Variants in KAZN observed in about 807,000 individuals in gnomAD.
KAZN encodes the protein kazrin.
KAZN carries 40 observed loss-of-function variants against 87.4 expected under a neutral mutation model. The ratio of observed to expected loss-of-function variants is 0.46; its 90% CI spans 0.36 to 0.60. The LOEUF (loss-of-function observed/expected upper bound fraction) is 0.60. Ranked by LOEUF, KAZN falls within the 20% of genes least tolerant of loss-of-function variation. The pLI, the probability that KAZN is intolerant of heterozygous loss-of-function variation, is 0.00. For synonymous variants in KAZN, 466 were observed against 458.3 expected (o/e 1.02, Z -0.22); for missense variants, 898 against 1,073.9 (o/e 0.84, Z 2.29).
intron 1 of KAZN, among the ~76,000 whole-genome samples, chr1:14,177,610 A>T (rs956054890): frequency 2.0e-5 from 3 of 152,154 alleles, no homozygotes; most frequent in Non-Finnish European, 4.4e-5. Flanking sequence ...CCTGGTTTGC[A>T]TAGATTCCGA....
chr1:15,113,212 C>G (rs865962682), intron 14 of KAZN: 1 of 152,004 alleles, frequency 6.6e-6, no homozygotes, highest in African/African-American at 2.4e-5. Flanking sequence ...CATTCTAGAA[C>G]GTGCATTCTA....
intron 2 of KAZN, among the ~76,000 whole-genome samples, chr1:14,432,819 C>T (rs1666152033): frequency 1.3e-5 from 2 of 152,162 alleles, no homozygotes; most frequent in South Asian, 2.1e-4. Context: ...TGAGAACATG[C>T]GGTGTTTGGT....
intron 2 of KAZN, among the ~76,000 whole-genome samples, chr1:14,550,739 C>CTCTCTAT (rs1480745409): frequency 1.4e-5 from 1 of 69,968 alleles, no homozygotes; most frequent in Non-Finnish European, 3.3e-5. Context: ...CTCTCTCTCT[C>CTCTCTAT]CCCCACCCCG....
intron 1 of KAZN, among the ~76,000 whole-genome samples, chr1:13,935,270 A>ATAATAATAATAATAATAATAATAG (rs60037843): frequency 1.3e-5 from 2 of 151,638 alleles, no homozygotes; most frequent in Non-Finnish European, 2.9e-5. Context: ...AATAATAATA[A>ATAATAATAATAATAATAATAATAG]GCCTTCAGTA....
chr1:14,408,056 G>A (rs1031337574), intron 2 of KAZN, among the ~76,000 whole-genome samples: 1 of 152,198 alleles, frequency 6.6e-6, no homozygotes, highest in African/African-American at 2.4e-5. Context: ...TGATTCACCA[G>A]GGGGCTGCCC....
At chr1:14,242,111 G>T (rs566424092) in intron 2 of KAZN, among the ~76,000 whole-genome samples, 1 of 152,020 alleles carries the variant, frequency 6.6e-6, no homozygotes, top group African/African-American at 2.4e-5. Flanking sequence ...ATTTTCCCTT[G>T]GCTGAAAGAC....
rs1254127990 is a variant in KAZN, at chr1:14,727,473, T to C, written c.226+128250T>C. Among the ~76,000 whole-genome samples the C allele has an allele frequency of 6.6e-3, 562 of 85,368 alleles. 44 individuals carry two copies. The highest frequency in any genetic ancestry group is 0.021 in the East Asian group (62 of 2,926). The allele number at this position is 85,368 out of a possible 152,430, so 56.0% of individuals were successfully genotyped here. A position where few individuals can be genotyped will look rare whatever the true frequency, so the allele number is the denominator to read the frequency against. On this transcript the variant is annotated intron_variant, in intron 1 of 14. Coordinates refer to ENST00000376030, the MANE Select transcript of KAZN (RefSeq NM_201628.3). Reference sequence around the variant, plus strand: ...TTCTTTTTTTTTTTTTTTTTTTTTTTTTTTTTTTTTTTTTTTTTTTTTTGA... The same window carrying C: ...TTCTTTTTTTTTTTTTTTTTTTTTTCTTTTTTTTTTTTTTTTTTTTTTTGA...
chr1:14,924,359 C>T (rs1404993737), intron 1 of KAZN: 9 of 988,854 alleles, frequency 9.1e-6, no homozygotes, highest in African/African-American at 7.0e-5. Flanking sequence ...CCCCCGGGCA[C>T]CCGGCATGCG....
At chr1:13,899,250 T>A (rs1049507307) in intron 1 of KAZN, among the ~76,000 whole-genome samples, 1 of 152,232 alleles carries the variant, frequency 6.6e-6, no homozygotes, top group African/African-American at 2.4e-5. Context: ...CTACATTCTT[T>A]ACATATTACC....
Position 15,056,005 on chromosome 1 carries a change from C to T in KAZN, c.727-86C>T. 7.4e-7 allele frequency: 1 copy of T among 1,346,468 alleles called. No individual in the cohort carries two copies. Among genetic ancestry groups the T allele is most frequent in the Non-Finnish European group, 1.0e-6 (1 of 960,328 alleles). 83.4% of individuals were successfully genotyped at this position (1,346,468 alleles called of 1,614,324 possible). ...CCGGTGCAGAGGATCCGGGCTTTCT[C>T]CCCATGGCGGTGGGTGGTGCCAAGC... On this transcript the variant is annotated intron_variant, in intron 4 of 14. Transcript: ENST00000376030. The surrounding 1 kb of genome is among the most constrained non-coding windows in gnomAD (Gnocchi z 5.4).
At chr1:13,926,652 TA>T (rs60345092) in intron 1 of KAZN, among the ~76,000 whole-genome samples, 16,366 of 144,868 alleles carry the variant, frequency 0.11, 915 homozygotes, top group African/African-American at 0.12. Flanking sequence ...CTTTAAGAGT[TA>T]AAAAAAAAAA....
intron 2 of KAZN, among the ~76,000 whole-genome samples, chr1:14,586,835 G>C (rs1051303228): frequency 7.9e-5 from 12 of 152,276 alleles, no homozygotes; most frequent in African/African-American, 2.9e-4. Context: ...TCAAATGCCA[G>C]TTTAATACAG....
At chr1:14,325,380 C>A (rs768406137) in intron 2 of KAZN, among the ~76,000 whole-genome samples, 1 of 152,162 alleles carries the variant, frequency 6.6e-6, no homozygotes, top group Non-Finnish European at 1.5e-5. Flanking sequence ...TCCGGATTAG[C>A]TTTATTCCAT....
intron 1 of KAZN, among the ~76,000 whole-genome samples, chr1:14,950,011 T>G (rs1427962244): frequency 6.6e-6 from 1 of 151,984 alleles, no homozygotes; most frequent in Non-Finnish European, 1.5e-5. Context: ...CAACACCACC[T>G]AACGGAAAAA....
chr1:14,906,153 G>A (rs1183268319), intron 1 of KAZN, among the ~76,000 whole-genome samples: 7 of 149,892 alleles, frequency 4.7e-5, no homozygotes, highest in Non-Finnish European at 5.9e-5. Flanking sequence ...GCCACAGATC[G>A]AGACTCCATC....
At chr1:15,019,918 C>T (rs761970861) in intron 2 of KAZN, among the ~76,000 whole-genome samples, 1 of 152,176 alleles carries the variant, frequency 6.6e-6, no homozygotes, top group Non-Finnish European at 1.5e-5. Flanking sequence ...CAAGTACTGC[C>T]TGGCACCTCC....
intron 1 of KAZN, among the ~76,000 whole-genome samples, chr1:14,868,143 C>T (rs1651735954): frequency 6.6e-6 from 1 of 151,674 alleles, no homozygotes; most frequent in Non-Finnish European, 1.5e-5. Flanking sequence ...CACGGCATCA[C>T]ATACGCAGCC....
intron 1 of KAZN, among the ~76,000 whole-genome samples, chr1:13,959,885 T>C (rs1311837677): frequency 2.0e-5 from 3 of 152,202 alleles, no homozygotes; most frequent in Non-Finnish European, 4.4e-5. Flanking sequence ...TAGCACCTAA[T>C]AAATGGCCAT....
chr1:14,491,056 A>T (rs1252311940), intron 2 of KAZN, among the ~76,000 whole-genome samples: 1 of 152,214 alleles, frequency 6.6e-6, no homozygotes, highest in Non-Finnish European at 1.5e-5. Flanking sequence ...ACATTTGTTC[A>T]CATCTTCTTT....
Sources: allele counts gnomAD v4.1 joint callset (sites outside exome capture counted in the v4.1 genomes callset), GRCh38; gene constraint gnomAD v4.1.1; non-coding constraint Gnocchi (gnomAD v3.1); transcripts MANE v1.5; gene names NCBI Gene and HGNC (gene_info 2026-07-23, HGNC 2026-07-21).